AGPAT3: variants seen among roughly 807,000 people sequenced by gnomAD.
The protein encoded by AGPAT3 is 1-acyl-sn-glycerol-3-phosphate acyltransferase gamma.
In AGPAT3, 5 loss-of-function variants were observed where a neutral mutation model predicts 47.3. That is an observed-to-expected ratio of 0.11 (90% confidence interval 0.06 to 0.22). The LOEUF (loss-of-function observed/expected upper bound fraction) is 0.22, where lower values mean the gene tolerates loss of function less well. Among genes scored for constraint, AGPAT3 ranks in the 10% least tolerant of loss-of-function variants. The pLI is 1.00. For missense variants in AGPAT3, 315 were observed against 493.0 expected (o/e 0.64, Z 3.42); for synonymous variants, 212 against 208.3 (o/e 1.02, Z -0.15).
intron 1 of AGPAT3, among the ~76,000 whole-genome samples, chr21:43,876,102 A>AT (rs1365025638): frequency 6.6e-6 from 1 of 151,208 alleles, no homozygotes; most frequent in African/African-American, 2.4e-5. Flanking sequence ...TTTAATTTTC[A>AT]TTTTTTTAAT....
At chr21:43,879,802 AATGAGC>A in intron 1 of AGPAT3, among the ~76,000 whole-genome samples, 1 of 152,240 alleles carries the variant, frequency 6.6e-6, no homozygotes, top group African/African-American at 2.4e-5. Context: ...GACTGCAATC[AATGAGC>A]ACCACGTTGA....
chr21:43,878,083 C>T (rs1156618461), intron 1 of AGPAT3, among the ~76,000 whole-genome samples: 2 of 152,160 alleles, frequency 1.3e-5, no homozygotes, highest in African/African-American at 2.4e-5. Context: ...AGTGGCCCTG[C>T]GCTTTCCCCG....
chr21:43,912,836 T>C (rs560228078), intron 2 of AGPAT3, among the ~76,000 whole-genome samples: 5 of 152,364 alleles, frequency 3.3e-5, no homozygotes, highest in Admixed American at 2.6e-4. Flanking sequence ...TCCATCGCTG[T>C]GCATGCACGA....
chr21:43,917,106 T>TCTGCCCTGGC (rs1158589909), intron 2 of AGPAT3, among the ~76,000 whole-genome samples: 1 of 152,168 alleles, frequency 6.6e-6, no homozygotes, highest in Non-Finnish European at 1.5e-5. Context: ...GGGGGCCCAC[T>TCTGCCCTGGC]CTGCCCTGGC....
At chr21:43,975,664 C>T (rs1424549635) in intron 7 of AGPAT3, among the ~76,000 whole-genome samples, 4 of 152,250 alleles carry the variant, frequency 2.6e-5, no homozygotes, top group Non-Finnish European at 1.5e-5. Flanking sequence ...CTCCTGGGCG[C>T]TGGGAGCACT....
intron 2 of AGPAT3, among the ~76,000 whole-genome samples, chr21:43,911,383 T>G (rs927364828): frequency 6.6e-6 from 1 of 151,940 alleles, no homozygotes; most frequent in Non-Finnish European, 1.5e-5. Flanking sequence ...GAAAGTGTCC[T>G]AGAGCTGCGC....
At chr21:43,937,357 A>G (rs2087483189) in intron 2 of AGPAT3, among the ~76,000 whole-genome samples, 1 of 152,244 alleles carries the variant, frequency 6.6e-6, no homozygotes. Context: ...GGGAAGCCCC[A>G]GGGGTCAGCT....
chr21:43,939,464 C>T lies in AGPAT3; in HGVS notation c.-48-20170C>T, dbSNP rs535661891. On this transcript the variant is annotated intron_variant, in intron 2 of 9. Coordinates refer to ENST00000291572, the MANE Select transcript of AGPAT3 (RefSeq NM_020132.5). The surrounding 1 kb of genome is among the most constrained non-coding windows in gnomAD (Gnocchi z 4.4). ...TTCAGGCTGGAGTGACATGGAGGGACGTGCCTGACTTCTGGAGGATAAGAG... is the reference window on the plus strand; with the variant it reads ...TTCAGGCTGGAGTGACATGGAGGGATGTGCCTGACTTCTGGAGGATAAGAG... 3.6e-4 allele frequency among the ~76,000 whole-genome samples: 55 copies of T among 152,282 alleles called. 2 individuals are homozygous for T. The highest frequency in any genetic ancestry group is 3.5e-3 in the South Asian group (17 of 4,820).
At chr21:43,926,833 T>C (rs2087071153) in intron 2 of AGPAT3, among the ~76,000 whole-genome samples, 1 of 151,346 alleles carries the variant, frequency 6.6e-6, no homozygotes, top group Non-Finnish European at 1.5e-5. Flanking sequence ...TGGTGGAGCA[T>C]ACCTGTGATC....
chr21:43,986,533 TGAA>T lies in AGPAT3; in HGVS notation c.*4145_*4147del, dbSNP rs933665597. The T allele has an allele frequency of 1.3e-5, 2 of 152,676 alleles. No individual in the cohort carries two copies. The highest frequency in any genetic ancestry group is 2.9e-5 in the Non-Finnish European group (2 of 68,044). 9.5% of individuals were successfully genotyped at this position (152,676 alleles called of 1,614,324 possible). On this transcript the variant is annotated 3_prime_UTR_variant, in exon 10 of 10. Coordinates refer to ENST00000291572, the MANE Select transcript of AGPAT3 (RefSeq NM_020132.5). ...ATTAAACTGGAGTTACTTGATACAA[TGAA>T]GAAATGCATCTGATCTACTTGTATT...
rs1449774515 is a variant in AGPAT3 at position 43,987,577 on chromosome 21, CTT to C, written c.*5186_*5187del. Reference sequence around the variant, plus strand: ...TTTATTAAAAAGCAAAACAAAAACTCTTGTTAGAACCAAAAGATATTCCGAGT... The same window carrying C: ...TTTATTAAAAAGCAAAACAAAAACTCGTTAGAACCAAAAGATATTCCGAGT... On this transcript the variant is annotated 3_prime_UTR_variant, in exon 10 of 10. Coordinates refer to ENST00000291572, the MANE Select transcript of AGPAT3 (RefSeq NM_020132.5). Among the ~76,000 whole-genome samples the C allele has an allele frequency of 2.6e-5, 4 of 152,328 alleles. No individual in the cohort carries two copies. The East Asian group carries it at 5.8e-4, about 22-fold the overall frequency.
Position 43,982,223 on chromosome 21 carries a change from A to G in AGPAT3, c.1043-81A>G, listed in dbSNP as rs776589576. On this transcript the variant is annotated intron_variant, in intron 9 of 9. Coordinates refer to ENST00000291572, the MANE Select transcript of AGPAT3 (RefSeq NM_020132.5). This position sits in a 1 kb window ranked among gnomAD's most constrained non-coding sequence, Gnocchi z 6.2. ...GAGGGACAGGGTCTGGGGCAGAGGA[A>G]GGAAGCCCCAGTAACACGTTTTACA... is the stretch of plus-strand genomic sequence containing the variant. 62 of 1,035,902 alleles carry G rather than the reference A, an allele frequency of 6.0e-5. No individual in the cohort carries two copies. The highest frequency in any genetic ancestry group is 8.3e-5 in the Non-Finnish European group (56 of 674,160). 64.2% of individuals were successfully genotyped at this position (1,035,902 alleles called of 1,614,324 possible). A position where few individuals can be genotyped will look rare whatever the true frequency, so the allele number is the denominator to read the frequency against.
At chr21:43,887,058 C>T (rs117339001) in intron 1 of AGPAT3, among the ~76,000 whole-genome samples, 1,732 of 152,346 alleles carry the variant, frequency 0.011, 18 homozygotes, top group Non-Finnish European at 0.019. Context: ...CACATTCCCA[C>T]CAACAGTGGT....
At chr21:43,953,822 T>G (rs1209674893) in intron 2 of AGPAT3, among the ~76,000 whole-genome samples, 1 of 152,188 alleles carries the variant, frequency 6.6e-6, no homozygotes, top group Non-Finnish European at 1.5e-5. Context: ...CCCTTGCATA[T>G]TTAAACTTGG....
In AGPAT3 at chr21:43,934,860, C is replaced by T. The variant is rs1267280152; in HGVS notation, c.-48-24774C>T. 1.3e-5 allele frequency among the ~76,000 whole-genome samples: 2 copies of T among 151,272 alleles called. No homozygotes were observed. Among genetic ancestry groups the T allele is most frequent in the Non-Finnish European group, 3.0e-5 (2 of 67,764 alleles). The stretch of plus-strand genomic sequence containing the variant: ...ACCGACGCCACTCACATGCCACTCA[C>T]ATGCCATTGACACGCCACCCACGCC... On this transcript the variant is annotated intron_variant, in intron 2 of 9. Coordinates refer to ENST00000291572, the MANE Select transcript of AGPAT3 (RefSeq NM_020132.5). This position sits in a 1 kb window ranked among gnomAD's most constrained non-coding sequence, Gnocchi z 4.7.
intron 1 of AGPAT3, among the ~76,000 whole-genome samples, chr21:43,894,624 CTG>C (rs1569050249): frequency 6.6e-6 from 1 of 152,164 alleles, no homozygotes; most frequent in Non-Finnish European, 1.5e-5. Context: ...TTATTGTAAA[CTG>C]TAGTCACCAT....
At chr21:43,899,657 G>T (rs2086307491) in intron 1 of AGPAT3, among the ~76,000 whole-genome samples, 1 of 152,308 alleles carries the variant, frequency 6.6e-6, no homozygotes, top group South Asian at 2.1e-4. Flanking sequence ...TTGCCTTCCT[G>T]CCCTGAGCAG....
intron 2 of AGPAT3, among the ~76,000 whole-genome samples, chr21:43,915,405 CTT>C (rs747494231): frequency 3.1e-4 from 12 of 38,846 alleles, no homozygotes; most frequent in African/African-American, 1.2e-3. Context: ...TCTTGATTAG[CTT>C]TTTTTTTTTT....
At position 43,954,545 on chromosome 21, in the gene AGPAT3, T is replaced by A. The variant is rs2088351060; in HGVS notation, c.-48-5089T>A. On this transcript the variant is annotated intron_variant, in intron 2 of 9. Transcript: ENST00000291572. The surrounding 1 kb of genome is among the most constrained non-coding windows in gnomAD (Gnocchi z 4.0). ...GATGAAGATGTGTTTTGACTCCGTA[T>A]CTAGGACCTCCAGGACGTAGAGGTT... 3 of 152,280 alleles carry A rather than the reference T, an allele frequency of 2.0e-5. No homozygotes were observed. Among genetic ancestry groups the A allele is most frequent in the Admixed American group, 2.0e-4 (3 of 15,280 alleles). 9.4% of individuals were successfully genotyped at this position (152,280 alleles called of 1,614,324 possible).
Sources: gnomAD v4.1 joint callset for allele counts (sites outside exome capture counted in the v4.1 genomes callset) on GRCh38, gnomAD v4.1.1 for gene constraint, Gnocchi (gnomAD v3.1) non-coding constraint, MANE v1.5 for transcripts, NCBI Gene and HGNC (gene_info 2026-07-23, HGNC 2026-07-21) for gene names.